HECW2: variants seen among roughly 807,000 people sequenced by gnomAD.
HECW2 encodes the protein E3 ubiquitin-protein ligase HECW2.
In HECW2, 61 loss-of-function variants were observed where a neutral mutation model predicts 175.2. That is an observed-to-expected ratio of 0.35 (90% CI 0.28 to 0.43). The LOEUF is 0.43. Ranked by LOEUF, HECW2 falls within the 20% of genes least tolerant of loss-of-function variation. HECW2 has a pLI of 1.00. For missense variants in HECW2, 1,524 were observed against 2,000.5 expected (o/e 0.76, Z 4.54); for synonymous variants, 671 against 731.0 (o/e 0.92, Z 1.32).
chr2:196,503,426 T>C (rs1229098131), intron 1 of HECW2, among the ~76,000 whole-genome samples: 1 of 152,128 alleles, frequency 6.6e-6, no homozygotes, highest in Admixed American at 6.5e-5. Context: ...AGTGGGTTCA[T>C]CTACAGGCAG....
chr2:196,391,592 A>C (rs529950883), intron 2 of HECW2, among the ~76,000 whole-genome samples: 1 of 152,262 alleles, frequency 6.6e-6, no homozygotes, highest in African/African-American at 2.4e-5. Context: ...TTCAAAGTTT[A>C]GTTCTATATT....
chr2:196,566,539 T>C (rs1419960012), intron 1 of HECW2, among the ~76,000 whole-genome samples: 2 of 151,096 alleles, frequency 1.3e-5, no homozygotes, highest in Admixed American at 6.6e-5. Flanking sequence ...TTTTTCTTTT[T>C]TTTTTTTTTG....
rs374571238 is a variant in HECW2 at position 196,225,887 on chromosome 2, T to G, written c.3918-17A>C. On this transcript the variant is annotated splice_polypyrimidine_tract_variant and intron_variant, in intron 22 of 28. Transcript: ENST00000644978. The stretch of plus-strand genomic sequence containing the variant: ...AATCGGAACCTGTGAAGGAAACACA[T>G]GAGATGGCTTACATGTCATGGAGCA... 1,209 of 1,486,716 alleles carry G rather than the reference T, an allele frequency of 8.1e-4. 17 individuals are homozygous for G. The South Asian group carries it at 0.013, about 16-fold the overall frequency. 92.1% of individuals were successfully genotyped at this position (1,486,716 alleles called of 1,614,324 possible). A position where few individuals can be genotyped will look rare whatever the true frequency, so the allele number is the denominator to read the frequency against.
chr2:196,457,855 T>C (rs73989929), intron 1 of HECW2, among the ~76,000 whole-genome samples: 1,752 of 152,356 alleles, frequency 0.011, 36 homozygotes, highest in African/African-American at 0.039. Flanking sequence ...AAGCACGCTA[T>C]ACTTAGGAAG....
intron 1 of HECW2, among the ~76,000 whole-genome samples, chr2:196,507,920 A>T (rs1687822646): frequency 1.3e-5 from 2 of 152,194 alleles, no homozygotes; most frequent in South Asian, 4.1e-4. Flanking sequence ...TTGTGCAGCT[A>T]ATTTTTTCTC....
intron 28 of HECW2, among the ~76,000 whole-genome samples, chr2:196,204,333 G>GT (rs1686987914): frequency 6.8e-6 from 1 of 146,512 alleles, no homozygotes; most frequent in Non-Finnish European, 1.5e-5. Flanking sequence ...CTTATTTCTT[G>GT]TTTTTTGTTT....
intron 2 of HECW2, among the ~76,000 whole-genome samples, chr2:196,398,375 C>T (rs2125198478): frequency 6.6e-6 from 1 of 152,156 alleles, no homozygotes; most frequent in South Asian, 2.1e-4. Context: ...ACACATTTAA[C>T]AAAAATGTTA....
At chr2:196,322,170 C>A (rs1257447776) in intron 7 of HECW2, among the ~76,000 whole-genome samples, 2 of 152,048 alleles carry the variant, frequency 1.3e-5, no homozygotes, top group Non-Finnish European at 2.9e-5. Flanking sequence ...AAGAATTCTG[C>A]CCCAGGGAGA....
chr2:196,300,631 T>G (rs1691008433), intron 13 of HECW2, among the ~76,000 whole-genome samples: 1 of 152,224 alleles, frequency 6.6e-6, no homozygotes, highest in South Asian at 2.1e-4. Context: ...TTTACTATTA[T>G]TTGTAAATTA....
chr2:196,230,699 AC>A (rs1688020274), intron 21 of HECW2, among the ~76,000 whole-genome samples: 1 of 152,124 alleles, frequency 6.6e-6, no homozygotes, highest in African/African-American at 2.4e-5. Context: ...CAACCACTTT[AC>A]TTTGTTGACT....
rs577693213 is a variant in HECW2, at chr2:196,198,651, G to A, written c.*2626C>T. 5 of 152,252 alleles carry A rather than the reference G, an allele frequency of 3.3e-5. No homozygotes were observed. The highest frequency in any genetic ancestry group is 3.3e-4 in the Admixed American group (5 of 15,294). The allele number at this position is 152,252 out of a possible 1,614,324, so 9.4% of individuals were successfully genotyped here. On this transcript the variant is annotated 3_prime_UTR_variant, in exon 29 of 29. Coordinates refer to ENST00000644978, the MANE Select transcript of HECW2 (RefSeq NM_001348768.2). ...TTAAGAGTGTCTTCTATAGTATAAA[G>A]AGCATCACTTAAAATAAGACCAGAA...
At chr2:196,402,234 A>T (rs1694842418) in intron 2 of HECW2, among the ~76,000 whole-genome samples, 1 of 150,238 alleles carries the variant, frequency 6.7e-6, no homozygotes, top group African/African-American at 2.5e-5. Flanking sequence ...AAAGAGGGAA[A>T]CTTGCCATAA....
rs117616572 is a variant in HECW2, at chr2:196,496,186, A to G, written c.-35-62728T>C. ...GGCTGAAACTCTACAGCTTACATAT[A>G]TTTTTTAACTTTACCTTTGTATGTG... On this transcript the variant is annotated intron_variant, in intron 1 of 28. Transcript: ENST00000644978. Among the ~76,000 whole-genome samples the G allele has an allele frequency of 1.1e-3, 166 of 151,938 alleles. 2 individuals are homozygous for G. In the East Asian group the frequency reaches 0.029, roughly 26 times the overall value.
intron 2 of HECW2, among the ~76,000 whole-genome samples, chr2:196,427,944 A>G (rs570341721): frequency 2.0e-5 from 3 of 152,206 alleles, no homozygotes; most frequent in African/African-American, 7.2e-5. Context: ...AAATGCCTAA[A>G]GAAGGATTTA....
intron 1 of HECW2, among the ~76,000 whole-genome samples, chr2:196,513,083 A>G (rs1191010576): frequency 6.6e-6 from 1 of 152,198 alleles, no homozygotes; most frequent in Non-Finnish European, 1.5e-5. Context: ...CTTGTCCTTT[A>G]TTACTTAAGC....
intron 19 of HECW2, among the ~76,000 whole-genome samples, chr2:196,248,316 G>A (rs1478485833): frequency 6.6e-6 from 1 of 152,178 alleles, no homozygotes; most frequent in Non-Finnish European, 1.5e-5. Flanking sequence ...CTCTATGGGT[G>A]AGGACAAGGG....
intron 5 of HECW2, among the ~76,000 whole-genome samples, chr2:196,328,427 A>C (rs1692234748): frequency 6.6e-6 from 1 of 152,208 alleles, no homozygotes; most frequent in Admixed American, 6.5e-5. Context: ...AGGGAAGCCA[A>C]GCAAAAAAGC....
At chr2:196,221,690 G>A (rs1687676631) in intron 24 of HECW2, among the ~76,000 whole-genome samples, 1 of 152,124 alleles carries the variant, frequency 6.6e-6, no homozygotes, top group South Asian at 2.1e-4. Flanking sequence ...CTCCTGAGTA[G>A]CTGGGACTAC....
At chr2:196,201,416 T>TTAGA (rs1559429754) in intron 28 of HECW2, 28 bp from the exon 29 acceptor site, 2 of 1,498,650 alleles carry the variant, frequency 1.3e-6, no homozygotes, top group Admixed American at 1.7e-5. Context: ...AGCACATAGT[T>TTAGA]TAGAACAGGC....
Sources: gnomAD v4.1 joint callset for allele counts (sites outside exome capture counted in the v4.1 genomes callset) on GRCh38, gnomAD v4.1.1 for gene constraint, MANE v1.5 for transcripts, NCBI Gene and HGNC (gene_info 2026-07-23, HGNC 2026-07-21) for gene names.